CSGALNACT1: variants seen among roughly 807,000 people sequenced by gnomAD.
CSGALNACT1 encodes chondroitin sulfate N-acetylgalactosaminyltransferase 1.
A neutral mutation model predicts 51.0 loss-of-function variants in CSGALNACT1; 52 were observed. That is an observed-to-expected ratio of 1.02 (90% CI 0.82 to 1.29). The LOEUF (loss-of-function observed/expected upper bound fraction) is 1.29. CSGALNACT1 is among the 50% of genes most tolerant of loss of function. CSGALNACT1 has a pLI of 0.00. For missense variants in CSGALNACT1, 935 were observed against 679.2 expected, an observed-to-expected ratio of 1.38 and a Z score of -4.19; for synonymous variants, 341 against 254.4, an observed-to-expected ratio of 1.34 and a Z score of -3.24.
intron 5 of CSGALNACT1, among the ~76,000 whole-genome samples, chr8:19,443,986 C>A (rs2061725662): frequency 6.6e-6 from 1 of 152,190 alleles, no homozygotes; most frequent in African/African-American, 2.4e-5. Context: ...TCCCTTACAT[C>A]TGCGGTTCAC....
intron 3 of CSGALNACT1, among the ~76,000 whole-genome samples, chr8:19,582,698 CT>C (rs553431839): frequency 2.0e-5 from 3 of 151,974 alleles, no homozygotes; most frequent in South Asian, 2.1e-4. Context: ...ATGCTACAGA[CT>C]TTTTTTTATC....
intron 3 of CSGALNACT1, among the ~76,000 whole-genome samples, chr8:19,567,047 C>T (rs573672493): frequency 1.6e-4 from 25 of 152,312 alleles, no homozygotes; most frequent in South Asian, 6.2e-4. Flanking sequence ...TTCCTCCCCT[C>T]CTAATGCGTG....
chr8:19,635,822 G>A (rs760289499), intron 1 of CSGALNACT1, among the ~76,000 whole-genome samples: 1 of 152,096 alleles, frequency 6.6e-6, no homozygotes, highest in Non-Finnish European at 1.5e-5. Context: ...CTGCCTCCCG[G>A]GTTCAAGCAA....
At chr8:19,653,762 C>T (rs946668620) in intron 1 of CSGALNACT1, among the ~76,000 whole-genome samples, 23 of 151,208 alleles carry the variant, frequency 1.5e-4, no homozygotes, top group African/African-American at 5.6e-4. Flanking sequence ...TTTGCCACTG[C>T]ACTCCAGCAT....
At chr8:19,704,179 T>TCCCCCAGTC (rs1411241122) in intron 1 of CSGALNACT1, among the ~76,000 whole-genome samples, 2 of 152,048 alleles carry the variant, frequency 1.3e-5, no homozygotes, top group Middle Eastern at 3.2e-3. Context: ...CTCTTCCATT[T>TCCCCCAGTC]CCCCCAGTCC....
rs373458723 is a variant in CSGALNACT1 at position 19,458,414 on chromosome 8, G to C, written c.851+12C>G. 3 of 1,610,360 alleles carry C rather than the reference G, an allele frequency of 1.9e-6. No homozygotes were observed. The highest frequency in any genetic ancestry group is 1.7e-5 in the Admixed American group (1 of 59,994). On this transcript the variant is annotated intron_variant, in intron 5 of 9. Transcript: ENST00000454498. ...CATGCGGAGGAAGATAAACACGTGCGAACAAACCAACCTGAAATTCTGCAT... is the reference window on the plus strand; with the variant it reads ...CATGCGGAGGAAGATAAACACGTGCCAACAAACCAACCTGAAATTCTGCAT...
At chr8:19,669,626 G>C (rs970024033) in intron 1 of CSGALNACT1, among the ~76,000 whole-genome samples, 3 of 151,528 alleles carry the variant, frequency 2.0e-5, no homozygotes, top group African/African-American at 7.3e-5. Flanking sequence ...CCAGTTTTTT[G>C]TTTGTTTGTT....
chr8:19,542,602 A>G (rs899741698), intron 3 of CSGALNACT1, among the ~76,000 whole-genome samples: 6 of 152,236 alleles, frequency 3.9e-5, no homozygotes, highest in Admixed American at 3.3e-4. Context: ...ATTAATTTCT[A>G]TGGGGGAGTT....
intron 3 of CSGALNACT1, among the ~76,000 whole-genome samples, chr8:19,584,603 C>T (rs2046249386): frequency 2.0e-5 from 3 of 152,272 alleles, no homozygotes; most frequent in Admixed American, 2.0e-4. Context: ...CTAATAAATA[C>T]CATTAATTGA....
intron 4 of CSGALNACT1, among the ~76,000 whole-genome samples, chr8:19,460,565 C>T (rs1297657307): frequency 6.6e-6 from 1 of 152,170 alleles, no homozygotes; most frequent in Non-Finnish European, 1.5e-5. Flanking sequence ...GAATGCACCT[C>T]CCAGTCACTG....
At chr8:19,620,118 A>T (rs1313362380) in intron 1 of CSGALNACT1, among the ~76,000 whole-genome samples, 1 of 151,930 alleles carries the variant, frequency 6.6e-6, no homozygotes, top group Non-Finnish European at 1.5e-5. Flanking sequence ...TTCAAGACCA[A>T]CCTGGCCAAT....
chr8:19,506,175 A>G (rs1347792202), intron 3 of CSGALNACT1, 45 bp from the exon 3 acceptor site: 2 of 510,366 alleles, frequency 3.9e-6, no homozygotes, highest in Non-Finnish European at 7.6e-6. Context: ...CAAGACAACG[A>G]CTCCCTCATG....
At chr8:19,500,713 A>C (rs1010035445) in intron 4 of CSGALNACT1, among the ~76,000 whole-genome samples, 1 of 152,200 alleles carries the variant, frequency 6.6e-6, no homozygotes, top group African/African-American at 2.4e-5. Flanking sequence ...ACAACCTGCT[A>C]ATGTGTGTTT....
At chr8:19,537,364 G>C (rs1310688856) in intron 3 of CSGALNACT1, among the ~76,000 whole-genome samples, 1 of 152,174 alleles carries the variant, frequency 6.6e-6, no homozygotes, top group Non-Finnish European at 1.5e-5. Flanking sequence ...CGTGGCTTCA[G>C]AGGGCTGAAA....
chr8:19,494,785 C>T lies in CSGALNACT1; in HGVS notation c.634+10416G>A, dbSNP rs1008741918. 2.6e-5 allele frequency among the ~76,000 whole-genome samples: 4 copies of T among 151,382 alleles called. No individual in the cohort carries two copies. In the South Asian group the frequency reaches 8.3e-4, roughly 31 times the overall value. On this transcript the variant is annotated intron_variant, in intron 4 of 9. Coordinates refer to ENST00000454498, the Ensembl canonical transcript of CSGALNACT1. ...CTTCAGATGAAGTCACCTCTGACAG[C>T]TGCATTTTCCATAGCATTGAGAAAC...
intron 1 of CSGALNACT1, among the ~76,000 whole-genome samples, chr8:19,737,957 G>A (rs543180958): frequency 6.6e-6 from 1 of 152,304 alleles, no homozygotes; most frequent in Non-Finnish European, 1.5e-5. Context: ...AAGAGTTCTG[G>A]AGATGGGCAG....
intron 4 of CSGALNACT1, among the ~76,000 whole-genome samples, chr8:19,465,428 T>C (rs1029673400): frequency 1.3e-5 from 2 of 152,114 alleles, no homozygotes; most frequent in Non-Finnish European, 2.9e-5. Flanking sequence ...ATGGTGGTGA[T>C]GGATGCGCAA....
At chr8:19,654,978 G>A (rs1300286743) in intron 1 of CSGALNACT1, among the ~76,000 whole-genome samples, 1 of 152,028 alleles carries the variant, frequency 6.6e-6, no homozygotes, top group African/African-American at 2.4e-5. Flanking sequence ...CCTGATGGTA[G>A]ACCAGAATTA....
At chr8:19,607,237 A>G (rs1053265260), upstream of CSGALNACT1, among the ~76,000 whole-genome samples, 53 of 152,214 alleles carry the variant, frequency 3.5e-4, no homozygotes, top group African/African-American at 1.2e-3. Flanking sequence ...CATTGTCAAC[A>G]TGGGAACCAC....
Sources: gnomAD v4.1 joint callset for allele counts (sites outside exome capture counted in the v4.1 genomes callset) on GRCh38, gnomAD v4.1.1 for gene constraint, MANE v1.5 for transcripts, NCBI Gene and HGNC (gene_info 2026-07-23, HGNC 2026-07-21) for gene names.